The following IQCM variants were observed in gnomAD, a reference collection of about 807,000 sequenced individuals.
IQCM encodes IQ domain-containing protein M.
A neutral mutation model predicts 57.6 loss-of-function variants in IQCM; 45 were observed. That is an observed-to-expected ratio of 0.78 (90% confidence interval 0.62 to 1.00). The LOEUF (loss-of-function observed/expected upper bound fraction) is 1.00. Among genes scored for constraint, IQCM ranks in the 50% least tolerant of loss-of-function variants. The pLI, the probability that IQCM is intolerant of heterozygous loss-of-function variation, is 0.00. For synonymous variants in IQCM, 148 were observed against 158.9 expected (o/e 0.93, Z 0.51); for missense variants, 468 against 511.6 (o/e 0.91, Z 0.82).
intron 10 of IQCM, among the ~76,000 whole-genome samples, chr4:149,556,922 T>C (rs1048589135): frequency 6.6e-6 from 1 of 152,214 alleles, no homozygotes; most frequent in Non-Finnish European, 1.5e-5. Context: ...TTATTATTAC[T>C]ACTACCTGAA....
At chr4:149,547,178 A>T (rs1486017694) in intron 12 of IQCM, among the ~76,000 whole-genome samples, 2 of 152,072 alleles carry the variant, frequency 1.3e-5, no homozygotes. Flanking sequence ...CCATTGGTCT[A>T]TATCTCTGTT....
At chr4:149,404,863 G>A (rs1732870284) in intron 13 of IQCM, among the ~76,000 whole-genome samples, 1 of 151,946 alleles carries the variant, frequency 6.6e-6, no homozygotes, top group Non-Finnish European at 1.5e-5. Flanking sequence ...TCTAGAGAAA[G>A]CAGAGAAATA....
intron 12 of IQCM, among the ~76,000 whole-genome samples, chr4:149,493,745 T>G (rs1742348379): frequency 6.6e-6 from 1 of 151,974 alleles, no homozygotes; most frequent in Admixed American, 6.6e-5. Context: ...CTTGAACCAT[T>G]CTGCAAACAC....
intron 2 of IQCM, among the ~76,000 whole-genome samples, chr4:149,770,308 T>C (rs556689900): frequency 6.6e-6 from 1 of 152,210 alleles, no homozygotes; most frequent in African/African-American, 2.4e-5. Flanking sequence ...TGGATAGCTT[T>C]TTCACAAACA....
rs1244955667 is a variant in IQCM at position 149,695,032 on chromosome 4, CAG to C, written c.386-8566_386-8565del. Among the ~76,000 whole-genome samples, 5 of 152,238 alleles carry C rather than the reference CAG, an allele frequency of 3.3e-5. No individual in the cohort carries two copies. In the East Asian group the frequency reaches 9.7e-4, roughly 29 times the overall value. On this transcript the variant is annotated intron_variant, in intron 5 of 13. Coordinates refer to ENST00000636793, the MANE Select transcript of IQCM (RefSeq NM_001363507.2). ...AGACAGATTCATTAGTCAAGAATGACAGATTGCAATTTACTGACATTTCACAT... is the reference window on the plus strand; with the variant it reads ...AGACAGATTCATTAGTCAAGAATGACATTGCAATTTACTGACATTTCACAT...
intron 13 of IQCM, among the ~76,000 whole-genome samples, chr4:149,353,943 A>T (rs1728745976): frequency 6.6e-6 from 1 of 152,188 alleles, no homozygotes; most frequent in Admixed American, 6.5e-5. Context: ...TCGCAAAAAC[A>T]AAATAAACGG....
At chr4:149,390,754 G>A (rs1296286658) in intron 13 of IQCM, among the ~76,000 whole-genome samples, 1 of 151,826 alleles carries the variant, frequency 6.6e-6, no homozygotes, top group African/African-American at 2.4e-5. Context: ...CTTGTTTCAT[G>A]GGTTAAATCT....
intron 12 of IQCM, among the ~76,000 whole-genome samples, chr4:149,510,976 T>C (rs1744348783): frequency 6.6e-6 from 1 of 152,234 alleles, no homozygotes; most frequent in Non-Finnish European, 1.5e-5. Flanking sequence ...TTTTTTATAA[T>C]CAAATGCATA....
intron 7 of IQCM, among the ~76,000 whole-genome samples, chr4:149,671,957 C>T (rs1188231783): frequency 6.6e-6 from 1 of 152,112 alleles, no homozygotes; most frequent in Admixed American, 6.6e-5. Context: ...AACATTTGCC[C>T]CTCTGCAATA....
intron 5 of IQCM, among the ~76,000 whole-genome samples, chr4:149,696,228 T>C (rs369432031): frequency 2.0e-5 from 3 of 152,284 alleles, no homozygotes; most frequent in South Asian, 2.1e-4. Flanking sequence ...GCACACCCAA[T>C]GAACAAGTAT....
At chr4:149,413,721 T>G (rs933050195) in intron 13 of IQCM, among the ~76,000 whole-genome samples, 1 of 152,192 alleles carries the variant, frequency 6.6e-6, no homozygotes, top group African/African-American at 2.4e-5. Flanking sequence ...AAAATAAAAA[T>G]ATAGCTTATT....
rs144231855 is a variant in IQCM, at chr4:149,766,002, T to G, written c.-48-23263A>C. On this transcript the variant is annotated intron_variant, in intron 2 of 13. Transcript: ENST00000636793. ...AGCCCCCTGCCCGCCAAATTATCCT[T>G]AAAAATCCTAGCCTCTGAGTTCTCA... 8.2e-3 allele frequency among the ~76,000 whole-genome samples: 1,241 copies of G among 152,128 alleles called. 16 individuals carry two copies. Among genetic ancestry groups the G allele is most frequent in the African/African-American group, 0.029 (1,196 of 41,514 alleles).
At chr4:149,473,521 T>C (rs1739825782) in intron 12 of IQCM, among the ~76,000 whole-genome samples, 2 of 152,184 alleles carry the variant, frequency 1.3e-5, no homozygotes, top group Admixed American at 6.5e-5. Context: ...TTTTACAGTG[T>C]TGGTGGGACT....
intron 2 of IQCM, among the ~76,000 whole-genome samples, chr4:149,759,781 G>A (rs540293754): frequency 2.0e-5 from 3 of 152,102 alleles, no homozygotes; most frequent in African/African-American, 7.2e-5. Flanking sequence ...TAAGTTAATT[G>A]TCTTAAATAT....
At chr4:149,606,237 T>A (rs1257149089) in intron 8 of IQCM, among the ~76,000 whole-genome samples, 1 of 152,048 alleles carries the variant, frequency 6.6e-6, no homozygotes, top group Non-Finnish European at 1.5e-5. Context: ...GGCAGCCCAG[T>A]ACAGAGAGAG....
chr4:149,375,527 A>G (rs1462502888), intron 13 of IQCM, among the ~76,000 whole-genome samples: 2 of 152,240 alleles, frequency 1.3e-5, no homozygotes, highest in South Asian at 2.1e-4. Context: ...GTGTATATAT[A>G]GTAAACAATT....
At chr4:149,366,681 A>C (rs1729866359) in intron 13 of IQCM, among the ~76,000 whole-genome samples, 1 of 151,928 alleles carries the variant, frequency 6.6e-6, no homozygotes, top group African/African-American at 2.4e-5. Context: ...GAGCTACACC[A>C]AGCCAAATAA....
At chr4:149,490,339 T>G (rs1444636362) in intron 12 of IQCM, among the ~76,000 whole-genome samples, 1 of 152,042 alleles carries the variant, frequency 6.6e-6, no homozygotes. Context: ...CAACCATCTG[T>G]TATCATACAA....
chr4:149,477,666 T>C (rs1027707124), intron 12 of IQCM, among the ~76,000 whole-genome samples: 4 of 152,114 alleles, frequency 2.6e-5, no homozygotes, highest in Non-Finnish European at 5.9e-5. Context: ...GCTTTCAGAA[T>C]GGGTAGCTAA....
Sources: allele counts gnomAD v4.1 joint callset (sites outside exome capture counted in the v4.1 genomes callset), GRCh38; gene constraint gnomAD v4.1.1; transcripts MANE v1.5; gene names NCBI Gene and HGNC (gene_info 2026-07-23, HGNC 2026-07-21).